The following JMJD1C variants were observed in gnomAD, a reference collection of about 807,000 sequenced individuals.
JMJD1C encodes the protein jumonji domain-containing protein 1C.
A neutral mutation model predicts 245.3 loss-of-function variants in JMJD1C; 31 were observed. The observed-to-expected ratio is 0.13, with a 90% CI of 0.09 to 0.17. The LOEUF (loss-of-function observed/expected upper bound fraction) is 0.17. Ranked by LOEUF, JMJD1C falls within the 10% of genes least tolerant of loss-of-function variation. The probability of loss-of-function intolerance (pLI) is 1.00; values close to 1 mark genes in which losing one functional copy is unlikely to be tolerated. For synonymous variants in JMJD1C, 1,057 were observed against 1,017.4 expected, an observed-to-expected ratio of 1.04 and a Z score of -0.74; for missense variants, 2,691 against 3,000.2, an observed-to-expected ratio of 0.90 and a Z score of 2.41.
intron 3 of JMJD1C, among the ~76,000 whole-genome samples, chr10:63,232,992 T>C (rs1302510635): frequency 6.6e-6 from 1 of 152,178 alleles, no homozygotes. Context: ...GCAAACTTCA[T>C]TTAAAGTGAA....
At chr10:63,425,458 T>C (rs537046406) in intron 1 of JMJD1C, among the ~76,000 whole-genome samples, 31 of 146,556 alleles carry the variant, frequency 2.1e-4, no homozygotes, top group Non-Finnish European at 3.6e-4. Context: ...ATGTCCAAAC[T>C]GCATATCACA....
intron 2 of JMJD1C, among the ~76,000 whole-genome samples, chr10:63,279,122 C>T (rs906127621): frequency 2.0e-5 from 3 of 149,514 alleles, no homozygotes; most frequent in South Asian, 4.2e-4. Flanking sequence ...TGTTGGCGGG[C>T]GCCTGTAATC....
chr10:63,204,932 G>C (rs1846420786), intron 10 of JMJD1C: 2 of 985,390 alleles, frequency 2.0e-6, no homozygotes, highest in Non-Finnish European at 2.4e-6. Context: ...GCTTGTGAAA[G>C]TACTTTGAGT....
At chr10:63,212,082 A>G (rs1020989185) in intron 8 of JMJD1C, among the ~76,000 whole-genome samples, 1 of 152,220 alleles carries the variant, frequency 6.6e-6, no homozygotes, top group African/African-American at 2.4e-5. Context: ...ACAAAAGGAT[A>G]AATATTCTAT....
chr10:63,208,683 A>G lies in JMJD1C; in HGVS notation c.2986T>C (p.Phe996Leu). The change falls in exon 10 of 26, where the codon TTT becomes CTT. Residue 996 changes from phenylalanine to leucine, a missense_variant. Phe to Leu is a conservative substitution (Grantham distance 22). Around this residue, in one of 9 missense-constraint regions of JMJD1C, gnomAD observed 1,562 missense variants for 1,490.7 expected, o/e 1.05. Transcript: ENST00000399262. ...AACTGATTTAATACTGGATCCACAAAATGCCTATGTAAGTGACAATCTTTT... is the reference window on the plus strand; with the variant it reads ...AACTGATTTAATACTGGATCCACAAGATGCCTATGTAAGTGACAATCTTTT... ...TGKDCHLHRH[F>L]VDPVLNQLQR... 1 of 1,614,050 alleles carries G rather than the reference A, an allele frequency of 6.2e-7. No individual in the cohort carries two copies. The highest frequency in any genetic ancestry group is 8.5e-7 in the Non-Finnish European group (1 of 1,179,940).
At chr10:63,281,197 C>T (rs1306673277) in intron 2 of JMJD1C, among the ~76,000 whole-genome samples, 1 of 148,762 alleles carries the variant, frequency 6.7e-6, no homozygotes, top group Non-Finnish European at 1.5e-5. Flanking sequence ...TGCAGTGGCA[C>T]GATCTCGGCT....
At chr10:63,507,858 T>G (rs754481510) in intron 1 of JMJD1C, among the ~76,000 whole-genome samples, 1 of 152,230 alleles carries the variant, frequency 6.6e-6, no homozygotes, top group Non-Finnish European at 1.5e-5. Flanking sequence ...TTACCTGCCA[T>G]CTACAAATCT....
chr10:63,193,217 C>CA, intron 15 of JMJD1C, 66 bp from the exon 16 acceptor site: 1 of 1,497,124 alleles, frequency 6.7e-7, no homozygotes, highest in Non-Finnish European at 9.2e-7. Flanking sequence ...AGTATAGATA[C>CA]AAAAAATTTA....
intron 3 of JMJD1C, among the ~76,000 whole-genome samples, chr10:63,241,380 C>T (rs1041732320): frequency 3.3e-5 from 5 of 152,172 alleles, no homozygotes; most frequent in South Asian, 2.1e-4. Context: ...GGCCACAAAT[C>T]GATAATTGTT....
At position 63,264,734 on chromosome 10, in the gene JMJD1C, G is replaced by A; in HGVS notation, c.364C>T (p.Pro122Ser). 6.3e-7 allele frequency: 1 copy of A among 1,587,194 alleles called. No homozygotes were observed. Residue 122 changes from proline to serine, a missense_variant, in exon 3 of 26, where the codon CCC (proline) becomes TCC (serine). Transcript: ENST00000399262. The part of the protein sequence containing the change: ...TFKPLVERNI[P>S]SSVTAVEFLV... Reference sequence around the variant, plus strand: ...AATTCTACTGCAGTGACTGAACTGGGTATATTTCTTTCAACCAGAGGTTTG... The same window carrying A: ...AATTCTACTGCAGTGACTGAACTGGATATATTTCTTTCAACCAGAGGTTTG...
In JMJD1C at chr10:63,465,784, C is replaced by G. The variant is rs1406238454; in HGVS notation, c.-122G>C. On this transcript the variant is annotated 5_prime_UTR_variant, in exon 1 of 26. Transcript: ENST00000399262. ...GGACACAGCAGCGGACCCGAAAGAG[C>G]GCAGACTCGGGACGAACCGGCCGCT... The G allele has an allele frequency of 8.2e-7, 1 of 1,226,494 alleles. No individual in the cohort carries two copies. Among genetic ancestry groups the G allele is most frequent in the African/African-American group, 1.5e-5 (1 of 68,222 alleles). 76.0% of individuals were successfully genotyped at this position (1,226,494 alleles called of 1,614,324 possible).
At chr10:63,291,613 C>CA (rs1858730464) in intron 2 of JMJD1C, among the ~76,000 whole-genome samples, 3 of 43,514 alleles carry the variant, frequency 6.9e-5, no homozygotes, top group African/African-American at 2.5e-4. Context: ...GAAACTCCAT[C>CA]TAAAAAAAAA....
At chr10:63,426,409 T>C (rs1950443156) in intron 1 of JMJD1C, among the ~76,000 whole-genome samples, 2 of 151,656 alleles carry the variant, frequency 1.3e-5, no homozygotes, top group East Asian at 1.9e-4. Flanking sequence ...ACACAGTAAA[T>C]ATAAAAAGAC....
intron 2 of JMJD1C, among the ~76,000 whole-genome samples, chr10:63,280,625 TG>T (rs1480902922): frequency 6.6e-6 from 1 of 152,228 alleles, no homozygotes; most frequent in Non-Finnish European, 1.5e-5. Flanking sequence ...TGCCTGGGGA[TG>T]GTTTATAAAA....
chr10:63,463,626 A>G (rs909165525), intron 1 of JMJD1C, among the ~76,000 whole-genome samples: 6 of 152,238 alleles, frequency 3.9e-5, no homozygotes, highest in African/African-American at 1.4e-4. Flanking sequence ...TAAAAAAACT[A>G]AATTAATATT....
chr10:63,362,929 T>C (rs1015344669), intron 2 of JMJD1C, among the ~76,000 whole-genome samples: 1 of 152,186 alleles, frequency 6.6e-6, no homozygotes, highest in East Asian at 1.9e-4. Context: ...TGAGTATTAC[T>C]GTAGGGCACT....
intron 1 of JMJD1C, among the ~76,000 whole-genome samples, chr10:63,440,549 T>C (rs138252709): frequency 5.9e-4 from 90 of 152,222 alleles, no homozygotes; most frequent in African/African-American, 2.1e-3. Context: ...AAGTTTCTAA[T>C]CAACAAAATT....
intron 2 of JMJD1C, among the ~76,000 whole-genome samples, chr10:63,338,575 C>A (rs1470421435): frequency 1.3e-5 from 2 of 151,504 alleles, no homozygotes; most frequent in African/African-American, 4.8e-5. Context: ...GCTGACTACA[C>A]ATGCTACATT....
rs1564723314 is a variant in JMJD1C at position 63,276,904 on chromosome 10, A to ATTTTTTT, written c.334-12141_334-12140insAAAAAAA. Among the ~76,000 whole-genome samples the ATTTTTTT allele has an allele frequency of 4.9e-4, 2 of 4,084 alleles. 1 individual carries two copies. The highest frequency in any genetic ancestry group is 1.3e-3 in the Non-Finnish European group (2 of 1,522). 2.7% of individuals were successfully genotyped at this position (4,084 alleles called of 152,430 possible). On this transcript the variant is annotated intron_variant, in intron 2 of 25. Coordinates refer to ENST00000399262, the MANE Select transcript of JMJD1C (RefSeq NM_032776.3). ...TGGGGCTTTTTTTTTTTTTTTTTTG[A>ATTTTTTT]GAGAGAGTCTCGCTCTGTCGCCCAG...
Sources: allele counts gnomAD v4.1 joint callset (sites outside exome capture counted in the v4.1 genomes callset), GRCh38; gene constraint gnomAD v4.1.1; regional missense constraint gnomAD v4.1.1; transcripts MANE v1.5; gene names NCBI Gene and HGNC (gene_info 2026-07-23, HGNC 2026-07-21).